DOCK4: variants seen among roughly 807,000 people sequenced by gnomAD.
DOCK4 encodes dedicator of cytokinesis 4.
A neutral mutation model predicts 268.1 loss-of-function variants in DOCK4; 97 were observed. That is an observed-to-expected ratio of 0.36 (90% confidence interval 0.31 to 0.43). The LOEUF (loss-of-function observed/expected upper bound fraction) is 0.43, where lower values mean the gene tolerates loss of function less well. Ranked by LOEUF, DOCK4 falls within the 20% of genes least tolerant of loss-of-function variation. The pLI, the probability that DOCK4 is intolerant of heterozygous loss-of-function variation, is 1.00. For synonymous variants in DOCK4, 954 were observed against 887.2 expected (o/e 1.08, Z -1.34); for missense variants, 2,145 against 2,455.7 (o/e 0.87, Z 2.67).
intron 12 of DOCK4, among the ~76,000 whole-genome samples, chr7:111,929,195 T>C (rs1793988598): frequency 6.6e-6 from 1 of 152,106 alleles, no homozygotes; most frequent in South Asian, 2.1e-4. Flanking sequence ...CACACAAACA[T>C]ATACAATCAA....
At chr7:112,042,379 G>A (rs1249869159) in intron 1 of DOCK4, among the ~76,000 whole-genome samples, 1 of 152,128 alleles carries the variant, frequency 6.6e-6, no homozygotes, top group African/African-American at 2.4e-5. Flanking sequence ...AAGTGTGAAC[G>A]AGGATATTCT....
intron 1 of DOCK4, among the ~76,000 whole-genome samples, chr7:112,118,962 G>A (rs6466399): frequency 0.38 from 57,896 of 151,948 alleles, 11,394 homozygotes; most frequent in East Asian, 0.56. Flanking sequence ...CATATAGCTC[G>A]TACGCATCTT....
At chr7:111,817,171 C>T (rs1256690904) in intron 27 of DOCK4, among the ~76,000 whole-genome samples, 1 of 152,186 alleles carries the variant, frequency 6.6e-6, no homozygotes. Flanking sequence ...ATTGTGCAAG[C>T]AATTCTTTTG....
chr7:112,167,187 C>T (rs1270159041), intron 1 of DOCK4, among the ~76,000 whole-genome samples: 2 of 152,198 alleles, frequency 1.3e-5, no homozygotes, highest in Non-Finnish European at 2.9e-5. Flanking sequence ...AAACTAATAA[C>T]ACTGATCAAC....
chr7:112,141,949 A>G (rs1004297994), intron 1 of DOCK4, among the ~76,000 whole-genome samples: 8 of 152,188 alleles, frequency 5.3e-5, no homozygotes, highest in African/African-American at 1.9e-4. Context: ...CAGTTTTAAA[A>G]TGTAACATCC....
intron 1 of DOCK4, among the ~76,000 whole-genome samples, chr7:112,095,689 GA>G (rs1810058490): frequency 6.6e-6 from 1 of 152,154 alleles, no homozygotes; most frequent in Admixed American, 6.5e-5. Context: ...ACCATGAAAT[GA>G]AAGCATTTCA....
At chr7:111,790,797 C>T (rs1052755416) in intron 30 of DOCK4, among the ~76,000 whole-genome samples, 192 bp from the exon 31 acceptor site, 3 of 151,936 alleles carry the variant, frequency 2.0e-5, no homozygotes, top group African/African-American at 4.8e-5. Flanking sequence ...CAGTGGCTCA[C>T]GCCTGTAATC....
At chr7:111,733,059 GAC>G (rs1277258943) in intron 51 of DOCK4, among the ~76,000 whole-genome samples, 4 of 152,192 alleles carry the variant, frequency 2.6e-5, no homozygotes, top group Non-Finnish European at 4.4e-5. Context: ...AGGCTGGCGT[GAC>G]ACAGTCAACA....
At position 112,017,988 on chromosome 7, in the gene DOCK4, C is replaced by A. The variant is rs1173598473; in HGVS notation, c.38-13857G>T. Reference sequence around the variant, plus strand: ...GATCACGAGGTCAGGAGAGCGAGACCATCCTGGCTAACACGGTGAAACCCC... The same window carrying A: ...GATCACGAGGTCAGGAGAGCGAGACAATCCTGGCTAACACGGTGAAACCCC... On this transcript the variant is annotated intron_variant, in intron 1 of 52. Coordinates refer to ENST00000428084, the MANE Select transcript of DOCK4 (RefSeq NM_001363540.2). Among the ~76,000 whole-genome samples the A allele has an allele frequency of 1.1e-4, 16 of 151,546 alleles. No individual in the cohort carries two copies. The East Asian group carries it at 2.7e-3, about 26-fold the overall frequency.
intron 1 of DOCK4, among the ~76,000 whole-genome samples, chr7:112,051,576 T>C (rs1268350674): frequency 6.6e-6 from 1 of 152,062 alleles, no homozygotes. Flanking sequence ...ATTGCAATCA[T>C]TTTTGGAGAA....
chr7:111,850,724 T>C (rs1804478185), intron 23 of DOCK4, among the ~76,000 whole-genome samples: 1 of 147,944 alleles, frequency 6.8e-6, no homozygotes, highest in East Asian at 2.2e-4. Context: ...ACCCAGCACC[T>C]TGTGACCCCC....
chr7:111,884,339 C>T (rs1807664691), intron 16 of DOCK4, among the ~76,000 whole-genome samples: 1 of 152,030 alleles, frequency 6.6e-6, no homozygotes, highest in African/African-American at 2.4e-5. Flanking sequence ...ACGTAAGGAG[C>T]TTATGTGATT....
chr7:111,979,018 A>G (rs1798410013), intron 7 of DOCK4, among the ~76,000 whole-genome samples: 1 of 152,170 alleles, frequency 6.6e-6, no homozygotes, highest in Non-Finnish European at 1.5e-5. Flanking sequence ...AGGGATTTCA[A>G]TTTCATTGTA....
At chr7:111,756,780 C>G (rs1251376322) in intron 41 of DOCK4, among the ~76,000 whole-genome samples, 2 of 151,940 alleles carry the variant, frequency 1.3e-5, no homozygotes, top group Non-Finnish European at 2.9e-5. Context: ...GGAAGAGTTT[C>G]TTTGAGCCAG....
chr7:112,130,037 C>T (rs1010433186), intron 1 of DOCK4, among the ~76,000 whole-genome samples: 8 of 152,176 alleles, frequency 5.3e-5, no homozygotes, highest in African/African-American at 1.2e-4. Flanking sequence ...CATCTAGACA[C>T]GGAGCCACTT....
At chr7:112,044,874 T>C (rs965841897) in intron 1 of DOCK4, among the ~76,000 whole-genome samples, 6 of 152,160 alleles carry the variant, frequency 3.9e-5, no homozygotes, top group African/African-American at 1.4e-4. Flanking sequence ...ATCTCTCATT[T>C]TGTCTATTGC....
At chr7:112,191,466 G>GT (rs1049427111) in intron 1 of DOCK4, among the ~76,000 whole-genome samples, 6 of 151,528 alleles carry the variant, frequency 4.0e-5, no homozygotes, top group African/African-American at 1.5e-4. Flanking sequence ...CCCACCAGCA[G>GT]TCAGCATACT....
At chr7:111,946,046 G>A (rs1267293697) in intron 8 of DOCK4, among the ~76,000 whole-genome samples, 1 of 152,162 alleles carries the variant, frequency 6.6e-6, no homozygotes, top group East Asian at 1.9e-4. Context: ...ACTTTTGAAA[G>A]ACTTGAATAC....
At chr7:111,901,649 G>T in intron 14 of DOCK4, 28 bp downstream of exon 14, 1 of 1,609,794 alleles carries the variant, frequency 6.2e-7, no homozygotes, top group South Asian at 1.1e-5. Flanking sequence ...AGACTTGTTT[G>T]ACCTGGAAAT....
Sources: gnomAD v4.1 joint callset for allele counts (sites outside exome capture counted in the v4.1 genomes callset) on GRCh38, gnomAD v4.1.1 for gene constraint, MANE v1.5 for transcripts, NCBI Gene and HGNC (gene_info 2026-07-23, HGNC 2026-07-21) for gene names.